The following GABRG3 variants were observed in gnomAD, a reference collection of about 807,000 sequenced individuals.
The protein encoded by GABRG3 is gamma-aminobutyric acid receptor subunit gamma-3.
A neutral mutation model predicts 48.8 loss-of-function variants in GABRG3; 25 were observed. That is an observed-to-expected ratio of 0.51 (90% CI 0.37 to 0.72). The LOEUF (loss-of-function observed/expected upper bound fraction) is 0.72. Among genes scored for constraint, GABRG3 ranks in the 30% least tolerant of loss-of-function variants. The probability of loss-of-function intolerance (pLI) is 0.00; values close to 1 mark genes in which losing one functional copy is unlikely to be tolerated. For missense variants in GABRG3, 394 were observed against 577.9 expected (o/e 0.68, Z 3.26); for synonymous variants, 227 against 217.6 (o/e 1.04, Z -0.38).
chr15:27,307,091 CATATAATATAAACATGTTT>C (rs1892586263), intron 3 of GABRG3, among the ~76,000 whole-genome samples: 11 of 116,386 alleles, frequency 9.5e-5, no homozygotes, highest in African/African-American at 4.8e-4. Context: ...TATATATAAA[CATATAATATAAACATGTTT>C]ATATATAAAC....
intron 3 of GABRG3, among the ~76,000 whole-genome samples, chr15:27,309,224 A>AT (rs1892909057): frequency 7.3e-6 from 1 of 136,396 alleles, no homozygotes; most frequent in South Asian, 2.2e-4. Flanking sequence ...TAGAAACATA[A>AT]TGTAAACATA....
chr15:27,504,341 T>C (rs1890713656), intron 6 of GABRG3, among the ~76,000 whole-genome samples: 2 of 152,166 alleles, frequency 1.3e-5, no homozygotes, highest in South Asian at 4.1e-4. Context: ...ATGATGCCAT[T>C]TTATCTTCGT....
intron 3 of GABRG3, among the ~76,000 whole-genome samples, chr15:27,109,869 G>A (rs1214307706): frequency 6.6e-6 from 1 of 152,144 alleles, no homozygotes; most frequent in Non-Finnish European, 1.5e-5. Context: ...GCGACAGAGC[G>A]AGACTGTGTC....
In GABRG3 at chr15:27,533,021, C is replaced by T; in HGVS notation, c.*140C>T. ...TGTTATAAATGACCTTTCAGCAACA[C>T]AGGAAGTACCCAGCAAAGGTTTCTA... On this transcript the variant is annotated 3_prime_UTR_variant, in exon 10 of 10. Transcript: ENST00000615808. 1.4e-6 allele frequency: 1 copy of T among 710,150 alleles called. No homozygotes were observed. Among genetic ancestry groups the T allele is most frequent in the South Asian group, 1.9e-5 (1 of 52,642 alleles). The allele number at this position is 710,150 out of a possible 1,614,324, so 44.0% of individuals were successfully genotyped here. A position where few individuals can be genotyped will look rare whatever the true frequency, so the allele number is the denominator to read the frequency against.
At chr15:27,048,357 C>T (rs1363092824) in intron 3 of GABRG3, among the ~76,000 whole-genome samples, 1 of 152,146 alleles carries the variant, frequency 6.6e-6, no homozygotes, top group Non-Finnish European at 1.5e-5. Flanking sequence ...GTGCCAGGCT[C>T]CCGGCTGACC....
At chr15:27,530,552 A>G (rs1380429578) in intron 9 of GABRG3, 1 of 464,404 alleles carries the variant, frequency 2.2e-6, no homozygotes, top group African/African-American at 2.0e-5. Context: ...TATTGTAAAT[A>G]TGATATCCAG....
intron 5 of GABRG3, among the ~76,000 whole-genome samples, chr15:27,439,119 C>T (rs1374318721): frequency 1.3e-5 from 2 of 152,158 alleles, no homozygotes; most frequent in African/African-American, 4.8e-5. Flanking sequence ...GGGCCTCCTC[C>T]AAGGTCAGAA....
At chr15:27,137,814 C>G (rs1049702824) in intron 3 of GABRG3, among the ~76,000 whole-genome samples, 2 of 152,102 alleles carry the variant, frequency 1.3e-5, no homozygotes, top group Non-Finnish European at 2.9e-5. Context: ...TGTCTTTCTC[C>G]CCTTTCCTTT....
chr15:27,228,021 A>G (rs1158726519), intron 3 of GABRG3, among the ~76,000 whole-genome samples: 5 of 152,268 alleles, frequency 3.3e-5, no homozygotes, highest in Admixed American at 6.5e-5. Flanking sequence ...AACACACTAA[A>G]TGTAAAATAA....
At position 27,261,081 on chromosome 15, in the gene GABRG3, A is replaced by G. The variant is rs542182096; in HGVS notation, c.271-65728A>G. On this transcript the variant is annotated intron_variant, in intron 3 of 9. Coordinates refer to ENST00000615808, the MANE Select transcript of GABRG3 (RefSeq NM_033223.5). ...AATTATTTATTGATTTTCAACTTTA[A>G]AAACAAATACGCAAACTTTAATTAT... Among the ~76,000 whole-genome samples the G allele has an allele frequency of 3.3e-5, 5 of 152,320 alleles. No homozygotes were observed. In the South Asian group the frequency reaches 1.0e-3, roughly 32 times the overall value.
intron 2 of GABRG3, among the ~76,000 whole-genome samples, chr15:27,020,615 C>T (rs1895874261): frequency 6.6e-6 from 1 of 151,902 alleles, no homozygotes. Flanking sequence ...GACGGGGTTT[C>T]ACTGTGTTAG....
chr15:27,346,621 G>A (rs542903668), intron 5 of GABRG3, among the ~76,000 whole-genome samples: 1 of 122,154 alleles, frequency 8.2e-6, no homozygotes, highest in South Asian at 3.1e-4. Context: ...GAATGTTCTA[G>A]TCTTGCTTTT....
intron 3 of GABRG3, among the ~76,000 whole-genome samples, chr15:27,178,368 A>G (rs1294040207): frequency 6.6e-6 from 1 of 152,200 alleles, no homozygotes; most frequent in Non-Finnish European, 1.5e-5. Flanking sequence ...AGGATGCTGA[A>G]AAGATTAGCT....
chr15:27,488,746 C>G lies in GABRG3; in HGVS notation c.712+7959C>G, dbSNP rs76351024. Among the ~76,000 whole-genome samples, 4 of 152,096 alleles carry G rather than the reference C, an allele frequency of 2.6e-5. No individual in the cohort carries two copies. The South Asian group carries it at 8.3e-4, about 32-fold the overall frequency. ...CCCTTTGCAAATATTTAGTTGTCAT[C>G]TTAGAAAAATTAATATGGAAGCATT... is the stretch of plus-strand genomic sequence containing the variant. On this transcript the variant is annotated intron_variant, in intron 6 of 9. Transcript: ENST00000615808.
At chr15:27,101,057 T>G (rs1236271867) in intron 3 of GABRG3, among the ~76,000 whole-genome samples, 2 of 152,192 alleles carry the variant, frequency 1.3e-5, no homozygotes, top group Admixed American at 1.3e-4. Flanking sequence ...ATTGTCTACA[T>G]GAAAGTCACA....
At chr15:27,510,684 G>A (rs1415805552) in intron 6 of GABRG3, among the ~76,000 whole-genome samples, 1 of 152,210 alleles carries the variant, frequency 6.6e-6, no homozygotes, top group African/African-American at 2.4e-5. Context: ...GGTGGTGCCT[G>A]TAATTATCCT....
chr15:27,333,748 C>T (rs372830421), intron 5 of GABRG3, among the ~76,000 whole-genome samples: 1 of 152,146 alleles, frequency 6.6e-6, no homozygotes, highest in East Asian at 1.9e-4. Flanking sequence ...GGTCGATATG[C>T]CACTCACAAT....
chr15:27,038,371 A>G (rs1437544754), intron 3 of GABRG3, among the ~76,000 whole-genome samples: 1 of 152,066 alleles, frequency 6.6e-6, no homozygotes, highest in Non-Finnish European at 1.5e-5. Context: ...CAGTCATGTC[A>G]TTCTGTACCA....
intron 5 of GABRG3, 71 bp downstream of exon 5, chr15:27,328,959 A>G: frequency 8.1e-7 from 1 of 1,237,700 alleles, no homozygotes; most frequent in Non-Finnish European, 1.2e-6. Flanking sequence ...GCTTCTGTCA[A>G]ACAGTCATGT....
Sources: gnomAD v4.1 joint callset for allele counts (sites outside exome capture counted in the v4.1 genomes callset) on GRCh38, gnomAD v4.1.1 for gene constraint, MANE v1.5 for transcripts, NCBI Gene and HGNC (gene_info 2026-07-23, HGNC 2026-07-21) for gene names.